The following AGO4 variants were observed in gnomAD, a reference collection of about 807,000 sequenced individuals.
The protein encoded by AGO4 is protein argonaute-4.
Under a neutral mutation model 104.7 loss-of-function variants are expected in AGO4, and 33 were observed. That is an observed-to-expected ratio of 0.32 (90% CI 0.24 to 0.42). The LOEUF is 0.42. Ranked by LOEUF, AGO4 falls within the 10% of genes least tolerant of loss-of-function variation. AGO4 has a pLI of 1.00. For synonymous variants in AGO4, 331 were observed against 364.7 expected, an observed-to-expected ratio of 0.91 and a Z score of 1.05; for missense variants, 711 against 1,083.4, an observed-to-expected ratio of 0.66 and a Z score of 4.83.
chr1:35,822,681 A>G (rs563723594), intron 2 of AGO4, among the ~76,000 whole-genome samples, 181 bp from the exon 3 acceptor site: 1 of 152,284 alleles, frequency 6.6e-6, no homozygotes, highest in Admixed American at 6.5e-5. Flanking sequence ...TTGTTTTTGT[A>G]CACTTGTTGC....
rs1644139071 is a variant in AGO4 at position 35,829,989 on chromosome 1, T to A, written c.849-1438T>A. On this transcript the variant is annotated intron_variant, in intron 7 of 17. Transcript: ENST00000373210. ...AGCCTGGGCAATGTGGCAAGACCCC[T>A]CTATAAAAAATACAAAAAAATTAGC... Among the ~76,000 whole-genome samples the A allele has an allele frequency of 3.3e-5, 5 of 150,698 alleles. No individual in the cohort carries two copies. The Admixed American group carries it at 3.3e-4, about 10-fold the overall frequency.
At chr1:35,831,635 A>T (rs1201523125) in intron 8 of AGO4, 61 bp downstream of exon 8, 51 of 1,573,190 alleles carry the variant, frequency 3.2e-5, no homozygotes, top group Non-Finnish European at 4.0e-5. Flanking sequence ...ATTTTTAAGT[A>T]GAGTTCTAAA....
At position 35,841,822 on chromosome 1, in the gene AGO4, A is replaced by G. The variant is rs925831547; in HGVS notation, c.2175+72A>G. On this transcript the variant is annotated intron_variant, in intron 15 of 17. Transcript: ENST00000373210. The surrounding 1 kb of genome is among the most constrained non-coding windows in gnomAD (Gnocchi z 4.7). ...GATGTATATATGCACATATATATAT[A>G]TATATATATATATATACACCATTTT... 3.0e-4 allele frequency: 239 copies of G among 810,170 alleles called. 4 individuals carry two copies. The East Asian group carries it at 8.8e-3, about 30-fold the overall frequency. The allele number at this position is 810,170 out of a possible 1,614,324, so 50.2% of individuals were successfully genotyped here.
chr1:35,832,221 C>A, intron 10 of AGO4, 36 bp downstream of exon 10: 2 of 1,602,940 alleles, frequency 1.2e-6, no homozygotes, highest in Non-Finnish European at 1.7e-6. Context: ...GCTTCTTCCA[C>A]AACCAGTCAA....
intron 3 of AGO4, among the ~76,000 whole-genome samples, chr1:35,825,093 A>G (rs1643982248): frequency 6.6e-6 from 1 of 152,208 alleles, no homozygotes; most frequent in African/African-American, 2.4e-5. Context: ...TTCAAGCGTC[A>G]TCCATGTTAT....
At chr1:35,842,721 G>C (rs1644473683) in intron 15 of AGO4, among the ~76,000 whole-genome samples, 1 of 152,098 alleles carries the variant, frequency 6.6e-6, no homozygotes, top group African/African-American at 2.4e-5. Context: ...AGAATCGCTT[G>C]AACCCAGGAG....
At chr1:35,819,378 T>C (rs1487283675) in intron 2 of AGO4, among the ~76,000 whole-genome samples, 1 of 151,736 alleles carries the variant, frequency 6.6e-6, no homozygotes, top group East Asian at 1.9e-4. Flanking sequence ...GGAGGATTGC[T>C]TGAAGCCAGG....
At chr1:35,831,743 A>T in intron 8 of AGO4, 69 bp from the exon 9 acceptor site, 1 of 1,589,084 alleles carries the variant, frequency 6.3e-7, no homozygotes, top group Middle Eastern at 1.8e-4. Flanking sequence ...AGGATATAAG[A>T]TATGGTTTGG....
At chr1:35,815,986 G>T (rs962868520) in intron 1 of AGO4, among the ~76,000 whole-genome samples, 1 of 152,130 alleles carries the variant, frequency 6.6e-6, no homozygotes, top group Non-Finnish European at 1.5e-5. Flanking sequence ...AAATGTCTGT[G>T]GAATAAACTA....
intron 15 of AGO4, among the ~76,000 whole-genome samples, chr1:35,844,418 G>GT (rs1644518277): frequency 6.6e-6 from 1 of 152,068 alleles, no homozygotes; most frequent in South Asian, 2.1e-4. Flanking sequence ...GGATGCTGCC[G>GT]TTTTTTCATT....
intron 3 of AGO4, among the ~76,000 whole-genome samples, chr1:35,825,096 C>T (rs1175113296): frequency 1.3e-5 from 2 of 152,102 alleles, no homozygotes; most frequent in Non-Finnish European, 2.9e-5. Flanking sequence ...AAGCGTCATC[C>T]ATGTTATAAC....
chr1:35,843,388 T>C (rs1010543253), intron 15 of AGO4, among the ~76,000 whole-genome samples: 1 of 152,172 alleles, frequency 6.6e-6, no homozygotes, highest in African/African-American at 2.4e-5. Flanking sequence ...TTTTGTTTTC[T>C]GAATCAAGGT....
chr1:35,816,908 C>G lies in AGO4; in HGVS notation c.46C>G (p.Pro16Ala), dbSNP rs772782939. The G allele has an allele frequency of 8.1e-6, 13 of 1,613,078 alleles. No individual in the cohort carries two copies. The highest frequency in any genetic ancestry group is 1.7e-5 in the Admixed American group (1 of 59,948). Residue 16 changes from proline (P) to alanine (A), a missense_variant, in exon 2 of 18, where the codon CCT becomes GCT. Physicochemically the swap from Pro to Ala is conservative, Grantham distance 27. Around this residue, in one of 3 missense-constraint regions of AGO4, gnomAD observed 308 missense variants for 397.8 expected, o/e 0.77. Coordinates refer to ENST00000373210, the MANE Select transcript of AGO4 (RefSeq NM_017629.4). ...PGPPASLFQP[P>A]RRPGLGTVGK... ...ACCTCCGGCTAGCCTGTTTCAGCCA[C>G]CTCGTCGTCCTGGCCTTGGAACTGT...
At chr1:35,817,087 C>T (rs764178691) in intron 2 of AGO4, 40 bp downstream of exon 2, 5 of 1,523,850 alleles carry the variant, frequency 3.3e-6, no homozygotes, top group Non-Finnish European at 4.4e-6. Flanking sequence ...TATTTAAGTG[C>T]ATATAATTTA....
Position 35,852,589 on chromosome 1 carries a change from T to C in AGO4, c.2478-908T>C, listed in dbSNP as rs547852626. Among the ~76,000 whole-genome samples the C allele has an allele frequency of 7.2e-5, 11 of 152,288 alleles. No individual in the cohort carries two copies. In the South Asian group the frequency reaches 2.3e-3, roughly 32 times the overall value. ...GTAGATGCATTCATTCAACTAATGG[T>C]TTATTGAGACTTTGTTGTATTATGT... is the stretch of plus-strand genomic sequence containing the variant. On this transcript the variant is annotated intron_variant, in intron 17 of 17. Coordinates refer to ENST00000373210, the MANE Select transcript of AGO4 (RefSeq NM_017629.4).
chr1:35,825,719 G>T lies in AGO4; in HGVS notation c.529G>T (p.Gly177Cys). The T allele has an allele frequency of 6.3e-7, 1 of 1,584,222 alleles. No homozygotes were observed. Among genetic ancestry groups the T allele is most frequent in the East Asian group, 2.2e-5 (1 of 44,760 alleles). ...VGRSFFSPPEGYYHPLGGGRE... is the reference protein window; with the variant it reads ...VGRSFFSPPECYYHPLGGGRE... Reference sequence around the variant, plus strand: ...CCGTTCCTTTTTCTCACCCCCGGAAGGTTACTACCACCCTCTGGGAGGGGG... The same window carrying T: ...CCGTTCCTTTTTCTCACCCCCGGAATGTTACTACCACCCTCTGGGAGGGGG... Residue 177 changes from glycine (G) to cysteine (C), a missense_variant, in exon 5 of 18, where the codon GGT (glycine) becomes TGT (cysteine). Physicochemically the swap from Gly to Cys is radical, Grantham distance 159. Coordinates refer to ENST00000373210, the MANE Select transcript of AGO4 (RefSeq NM_017629.4).
At chr1:35,839,281 T>C (rs1247152189) in intron 13 of AGO4, among the ~76,000 whole-genome samples, 1 of 152,196 alleles carries the variant, frequency 6.6e-6, no homozygotes, top group East Asian at 1.9e-4. Context: ...AACTTCTAGG[T>C]AAATAAATCC....
At position 35,813,083 on chromosome 1, in the gene AGO4, A is replaced by G. The variant is rs916542887; in HGVS notation, c.20-3799A>G. Among the ~76,000 whole-genome samples, 3 of 152,244 alleles carry G rather than the reference A, an allele frequency of 2.0e-5. No homozygotes were observed. In the South Asian group the frequency reaches 6.2e-4, roughly 31 times the overall value. On this transcript the variant is annotated intron_variant, in intron 1 of 17. Transcript: ENST00000373210. ...ATTGTATTGATAGGTCCTCTTGTAC[A>G]CTAGAAGTAGAACTCAACTCCAAGC...
chr1:35,849,378 A>G (rs978610611), intron 15 of AGO4, among the ~76,000 whole-genome samples: 1 of 150,972 alleles, frequency 6.6e-6, no homozygotes, highest in Non-Finnish European at 1.5e-5. Flanking sequence ...CTTTTTTTTT[A>G]TTATTAATAA....
Sources: gnomAD v4.1 joint callset for allele counts (sites outside exome capture counted in the v4.1 genomes callset) on GRCh38, gnomAD v4.1.1 for gene constraint, gnomAD v4.1.1 regional missense constraint, Gnocchi (gnomAD v3.1) non-coding constraint, MANE v1.5 for transcripts, NCBI Gene and HGNC (gene_info 2026-07-23, HGNC 2026-07-21) for gene names.